Variants in PNPLA6 observed in about 807,000 individuals in gnomAD.
The protein encoded by PNPLA6 is patatin like domain 6, lysophospholipase, also known as patatin-like phospholipase domain-containing protein 6.
PNPLA6 carries 105 observed loss-of-function variants against 153.7 expected under a neutral mutation model. The observed-to-expected ratio is 0.68, with a 90% CI of 0.58 to 0.80. The LOEUF is 0.80. Among genes scored for constraint, PNPLA6 ranks in the 30% least tolerant of loss-of-function variants. The pLI is 0.00. For missense variants in PNPLA6, 1,423 were observed against 1,919.3 expected (o/e 0.74, Z 4.83); for synonymous variants, 825 against 822.2 (o/e 1.00, Z -0.06).
chr19:7,560,927 C>T, intron 29 of PNPLA6, 87 bp from the exon 30 acceptor site: 1 of 887,206 alleles, frequency 1.1e-6, no homozygotes, highest in Non-Finnish European at 1.8e-6. Context: ...AGGATCTCCT[C>T]TGAGCCCCCA....
chr19:7,540,148 G>T lies in PNPLA6; in HGVS notation c.555-1G>T. Reference sequence around the variant, plus strand: ...TCTGTCGCCCACCGCCTGTCCAACAGGGTGCTGGGCCACTTCGAGAAGCCA... The same window carrying T: ...TCTGTCGCCCACCGCCTGTCCAACATGGTGCTGGGCCACTTCGAGAAGCCA... On this transcript the variant is annotated splice_acceptor_variant, in intron 4 of 31. Transcript: ENST00000600737. LOFTEE classifies it high-confidence loss of function. This position sits in a 1 kb window ranked among gnomAD's most constrained non-coding sequence, Gnocchi z 6.8. The T allele has an allele frequency of 6.2e-7, 1 of 1,612,544 alleles. No individual in the cohort carries two copies.
In PNPLA6 at chr19:7,560,593, T is replaced by C. The variant is rs560373677; in HGVS notation, c.3700-55T>C. On this transcript the variant is annotated intron_variant, in intron 28 of 31. Coordinates refer to ENST00000600737, the MANE Select transcript of PNPLA6 (RefSeq NM_001166114.2). Reference sequence around the variant, plus strand: ...GGGGCCAGAGAATGGGCAGACAGAGTGGGGACAAGCAAAGCAGGGTTGCAG... The same window carrying C: ...GGGGCCAGAGAATGGGCAGACAGAGCGGGGACAAGCAAAGCAGGGTTGCAG... The C allele has an allele frequency of 8.1e-5, 97 of 1,196,036 alleles. No individual in the cohort carries two copies. The African/African-American group carries it at 1.4e-3, about 17-fold the overall frequency. 74.1% of individuals were successfully genotyped at this position (1,196,036 alleles called of 1,614,324 possible). A position where few individuals can be genotyped will look rare whatever the true frequency, so the allele number is the denominator to read the frequency against.
chr19:7,550,680 A>G, intron 16 of PNPLA6, 40 bp downstream of exon 16: 1 of 1,606,718 alleles, frequency 6.2e-7, no homozygotes, highest in Non-Finnish European at 8.5e-7. Flanking sequence ...GGCCTTTTCC[A>G]GGCCAGTCCC....
rs765148805 is a variant in PNPLA6, at chr19:7,540,907, C to T, written c.796-16C>T. 6.2e-6 allele frequency: 10 copies of T among 1,612,794 alleles called. No individual in the cohort carries two copies. Among genetic ancestry groups the T allele is most frequent in the Non-Finnish European group, 5.9e-6 (7 of 1,179,864 alleles). On this transcript the variant is annotated splice_polypyrimidine_tract_variant and intron_variant, in intron 6 of 31. Transcript: ENST00000600737. This position sits in a 1 kb window ranked among gnomAD's most constrained non-coding sequence, Gnocchi z 6.8. The stretch of plus-strand genomic sequence containing the variant: ...GCCTCTGCCCTTGTCTCTCTTCACG[C>T]CCTCCCCTCCCCCAGGGTCACCAGC...
chr19:7,536,643 T>C, intron 3 of PNPLA6, 97 bp downstream of exon 3: 6 of 834,056 alleles, frequency 7.2e-6, no homozygotes, highest in South Asian at 4.2e-5. Context: ...TCTTCCCATA[T>C]TGGCTGCGCG....
Position 7,550,127 on chromosome 19 carries a change from A to G in PNPLA6, c.1814+15A>G, listed in dbSNP as rs751321749. Reference sequence around the variant, plus strand: ...GACTTCTATGAGTATGACAGCCCGAAGTTGGAGTGTGGGTGGCACTCGGAG... The same window carrying G: ...GACTTCTATGAGTATGACAGCCCGAGGTTGGAGTGTGGGTGGCACTCGGAG... On this transcript the variant is annotated intron_variant, in intron 14 of 31. Transcript: ENST00000600737. 2 of 1,613,900 alleles carry G rather than the reference A, an allele frequency of 1.2e-6. No individual in the cohort carries two copies. Among genetic ancestry groups the G allele is most frequent in the Non-Finnish European group, 1.7e-6 (2 of 1,179,978 alleles).
At chr19:7,557,079 C>T in intron 26 of PNPLA6, 89 bp from the exon 27 acceptor site, 1 of 999,782 alleles carries the variant, frequency 1.0e-6, no homozygotes, top group Non-Finnish European at 1.6e-6. Context: ...TAACAACGTC[C>T]CAGGTCAGCG....
chr19:7,549,494 C>CT (rs1555747894), intron 13 of PNPLA6, among the ~76,000 whole-genome samples: 44 of 136,366 alleles, frequency 3.2e-4, no homozygotes, highest in African/African-American at 8.4e-4. Context: ...CCTTCTTCTT[C>CT]TTTTTTTTTT....
chr19:7,555,854 G>C lies in PNPLA6; in HGVS notation c.3093+91G>C. 1 of 1,373,692 alleles carries C rather than the reference G, an allele frequency of 7.3e-7. No individual in the cohort carries two copies. Among genetic ancestry groups the C allele is most frequent in the East Asian group, 2.3e-5 (1 of 43,460 alleles). 85.1% of individuals were successfully genotyped at this position (1,373,692 alleles called of 1,614,324 possible). A position where few individuals can be genotyped will look rare whatever the true frequency, so the allele number is the denominator to read the frequency against. ...CCTGATCCCATGGGGGAGCCTCCGG[G>C]GTCAGGGTGACCCTTCCTGATTAAA... On this transcript the variant is annotated intron_variant, in intron 24 of 31. Transcript: ENST00000600737. The surrounding 1 kb of genome is among the most constrained non-coding windows in gnomAD (Gnocchi z 6.3).
At chr19:7,559,654 C>T (rs868495772) in intron 28 of PNPLA6, among the ~76,000 whole-genome samples, 1 of 151,454 alleles carries the variant, frequency 6.6e-6, no homozygotes, top group South Asian at 2.1e-4. Context: ...GCCTGTGCAA[C>T]ATAGCAAAAC....
Position 7,541,133 on chromosome 19 carries a change from C to T in PNPLA6, c.924+82C>T. On this transcript the variant is annotated intron_variant, in intron 7 of 31. Coordinates refer to ENST00000600737, the MANE Select transcript of PNPLA6 (RefSeq NM_001166114.2). The surrounding 1 kb of genome is among the most constrained non-coding windows in gnomAD (Gnocchi z 5.2). Reference sequence around the variant, plus strand: ...CATTCCAGGCTCCAAGGGACCGAGGCCCAGCAGCCAGCAGGCGCTGGAGCT... The same window carrying T: ...CATTCCAGGCTCCAAGGGACCGAGGTCCAGCAGCCAGCAGGCGCTGGAGCT... 1.3e-6 allele frequency: 2 copies of T among 1,492,648 alleles called. 1 individual carries two copies. The highest frequency in any genetic ancestry group is 4.7e-5 in the East Asian group (2 of 42,110). The allele number at this position is 1,492,648 out of a possible 1,614,324, so 92.5% of individuals were successfully genotyped here.
Position 7,551,391 on chromosome 19 carries a change from C to T in PNPLA6, c.2214C>T (p.Ser738=). The change falls in exon 18 of 32, where the codon AGC becomes AGT. Residue 738 remains serine (S), a synonymous_variant. Coordinates refer to ENST00000600737, the MANE Select transcript of PNPLA6 (RefSeq NM_001166114.2). ...QVVTRLIHLL[S]QKILGNLQQL... The stretch of plus-strand genomic sequence containing the variant: ...TGACCCGCCTTATCCACCTACTGAG[C>T]CAGAAAATTCTAGGGAATTTGCAGC... 4 of 1,614,014 alleles carry T rather than the reference C, an allele frequency of 2.5e-6. No individual in the cohort carries two copies. Among genetic ancestry groups the T allele is most frequent in the Admixed American group, 1.7e-5 (1 of 60,012 alleles).
At chr19:7,559,820 G>GGT (rs2024027539) in intron 28 of PNPLA6, among the ~76,000 whole-genome samples, 1 of 149,726 alleles carries the variant, frequency 6.7e-6, no homozygotes, top group Non-Finnish European at 1.5e-5. Context: ...CTCCAGCCTG[G>GGT]GTGACAGAGC....
At chr19:7,551,197 G>A in intron 17 of PNPLA6, 90 bp downstream of exon 17, 1 of 987,182 alleles carries the variant, frequency 1.0e-6, no homozygotes, top group Non-Finnish European at 1.5e-6. Context: ...GGCTTACAGA[G>A]GGGCGGGGTC....
chr19:7,535,609 C>A (rs746641747), upstream of PNPLA6: 3 of 1,593,096 alleles, frequency 1.9e-6, no homozygotes, highest in African/African-American at 1.3e-5. The surrounding 1 kb of genome is among the most constrained non-coding windows in gnomAD (Gnocchi z 5.0). Context: ...GGGTAGGTGC[C>A]GGCGTGGGGC....
rs372128647 is a variant in PNPLA6 at position 7,542,887 on chromosome 19, G to A, written c.1489G>A (p.Glu497Lys). The change falls in exon 12 of 32, where the codon GAG becomes AAG. Residue 497 changes from glutamate to lysine, a missense_variant. Around this residue, in one of 10 missense-constraint regions of PNPLA6, gnomAD observed 267 missense variants for 255.1 expected, o/e 1.05. Transcript: ENST00000600737. ...YQGRQTSSIF[E>K]AAKQELAKLM... ...GGGCCGCCAGACCAGCAGCATCTTC[G>A]AGGCAGCAAAGCAGGAGCTGGCCAA... 13 of 1,613,302 alleles carry A rather than the reference G, an allele frequency of 8.1e-6. No individual in the cohort carries two copies. Among genetic ancestry groups the A allele is most frequent in the Middle Eastern group, 1.6e-4 (1 of 6,084 alleles).
chr19:7,554,399 A>C (rs1369236723), intron 20 of PNPLA6, 127 bp downstream of exon 20: 6 of 1,219,250 alleles, frequency 4.9e-6, no homozygotes, highest in Non-Finnish European at 7.3e-6. Context: ...GTCAATGGGG[A>C]GATTCGCAGT....
chr19:7,536,353 C>A, intron 2 of PNPLA6, 80 bp downstream of exon 2: 1 of 1,411,050 alleles, frequency 7.1e-7, no homozygotes, highest in Non-Finnish European at 1.0e-6. Flanking sequence ...TAGTGTCCGC[C>A]ACCGCTCCTT....
At position 7,553,999 on chromosome 19, in the gene PNPLA6, C is replaced by G; in HGVS notation, c.2385C>G (p.His795Gln). The change falls in exon 19 of 32, where the codon CAC (histidine) becomes CAG (glutamine). Residue 795 changes from histidine to glutamine, a missense_variant. Physicochemically the swap from His to Gln is conservative, Grantham distance 24. This residue lies in a region of PNPLA6 where 643 missense variants were observed against 835.2 expected (regional missense o/e 0.77). Coordinates refer to ENST00000600737, the MANE Select transcript of PNPLA6 (RefSeq NM_001166114.2). ...TGGCCTTCACGCTGGAGCTGCAGCA[C>G]GCCCTGCAGGCCATCGGTCAGTGGG... is the stretch of plus-strand genomic sequence containing the variant. Reference protein sequence around the residue: ...PMVAFTLELQHALQAIGPTLL... With the variant: ...PMVAFTLELQQALQAIGPTLL... The G allele has an allele frequency of 1.9e-6, 3 of 1,611,948 alleles. No homozygotes were observed. The highest frequency in any genetic ancestry group is 2.5e-6 in the Non-Finnish European group (3 of 1,179,180).
Sources: gnomAD v4.1 joint callset for allele counts (sites outside exome capture counted in the v4.1 genomes callset) on GRCh38, gnomAD v4.1.1 for gene constraint, gnomAD v4.1.1 regional missense constraint, Gnocchi (gnomAD v3.1) non-coding constraint, MANE v1.5 for transcripts, NCBI Gene and HGNC (gene_info 2026-07-23, HGNC 2026-07-21) for gene names.